The following PRPS2 variants were observed in gnomAD, a reference collection of about 807,000 sequenced individuals.
PRPS2 encodes the protein ribose-phosphate pyrophosphokinase 2.
For missense variants in PRPS2, 104 were observed against 271.5 expected, an observed-to-expected ratio of 0.38 and a Z score of 4.34; for synonymous variants, 111 against 115.3, an observed-to-expected ratio of 0.96 and a Z score of 0.24.
At chrX:12,813,155 A>C (rs907926275) in intron 4 of PRPS2, among the ~76,000 whole-genome samples, 10 of 112,216 alleles carry the variant, frequency 8.9e-5, no homozygotes, top group African/African-American at 1.9e-4. Flanking sequence ...ATTTAAGCGT[A>C]TATCTGCCTA....
At chrX:12,800,741 A>G (rs1693896181) in intron 2 of PRPS2, among the ~76,000 whole-genome samples, 2 of 111,815 alleles carry the variant, frequency 1.8e-5, no homozygotes, top group Admixed American at 9.6e-5. Context: ...CTCATATTTG[A>G]AAAAAACCCT....
intron 4 of PRPS2, among the ~76,000 whole-genome samples, chrX:12,812,271 T>C (rs1014702679): frequency 6.3e-5 from 7 of 111,713 alleles, no homozygotes; most frequent in Admixed American, 1.9e-4. Flanking sequence ...GCCAAAGGGG[T>C]ACAGGAGCGA....
chrX:12,821,777 C>T (rs1368998853), intron 6 of PRPS2, among the ~76,000 whole-genome samples: 2 of 112,209 alleles, frequency 1.8e-5, no homozygotes, highest in Non-Finnish European at 3.8e-5. Flanking sequence ...GAGCTTTGCT[C>T]CTTCCCGTCC....
At chrX:12,818,735 T>C (rs1036049430) in intron 4 of PRPS2, among the ~76,000 whole-genome samples, 2 of 112,357 alleles carry the variant, frequency 1.8e-5, no homozygotes, top group Non-Finnish European at 3.8e-5. Context: ...ACCTGTGGCA[T>C]TGTCTTGAAA....
At chrX:12,794,032 A>G (rs2042531943) in intron 1 of PRPS2, among the ~76,000 whole-genome samples, 2 of 112,570 alleles carry the variant, frequency 1.8e-5, no homozygotes, top group Admixed American at 9.4e-5. Flanking sequence ...CTATACTGTG[A>G]GACAAGGTTA....
intron 4 of PRPS2, 141 bp from the exon 5 acceptor site, chrX:12,819,366 G>C (rs958414548): frequency 1.5e-5 from 10 of 670,910 alleles, no homozygotes; most frequent in Non-Finnish European, 2.2e-5. Flanking sequence ...GCCTGCCCCA[G>C]ACCATGCCTG....
Position 12,820,581 on chromosome X carries a change from C to A in PRPS2, c.705-63C>A. 8 of 1,109,586 alleles carry A rather than the reference C, an allele frequency of 7.2e-6. No homozygotes were observed. The South Asian group carries it at 1.7e-4, about 23-fold the overall frequency. 91.4% of individuals were successfully genotyped at this position (1,109,586 alleles called of 1,213,427 possible). On this transcript the variant is annotated intron_variant, in intron 5 of 6. Transcript: ENST00000380668. ...ACACTTTGTGCTTTTACCATTCATA[C>A]TAGGGGAGAGTATTCCAAGAATATT...
At chrX:12,813,088 A>T (rs1347770328) in intron 4 of PRPS2, among the ~76,000 whole-genome samples, 1 of 112,333 alleles carries the variant, frequency 8.9e-6, no homozygotes, top group East Asian at 2.8e-4. Flanking sequence ...ACAGTACAAA[A>T]GTGTCCCATC....
chrX:12,807,681 A>G (rs1042001122), intron 2 of PRPS2, among the ~76,000 whole-genome samples: 3 of 111,470 alleles, frequency 2.7e-5, no homozygotes, highest in Non-Finnish European at 3.8e-5. Flanking sequence ...AACATGGAAT[A>G]TAGTACGGGG....
At chrX:12,821,639 T>G (rs908093044) in intron 6 of PRPS2, among the ~76,000 whole-genome samples, 13 of 112,101 alleles carry the variant, frequency 1.2e-4, no homozygotes, top group African/African-American at 4.2e-4. Flanking sequence ...AATTTTCAAC[T>G]GATAAGAACA....
chrX:12,816,528 C>T (rs1268687765), intron 4 of PRPS2, among the ~76,000 whole-genome samples: 1 of 111,530 alleles, frequency 9.0e-6, no homozygotes, highest in African/African-American at 3.3e-5. Context: ...GTCTCCAATT[C>T]CTGGGCTCAA....
intron 1 of PRPS2, among the ~76,000 whole-genome samples, chrX:12,797,652 C>G (rs1206494991): frequency 8.9e-6 from 1 of 112,016 alleles, no homozygotes; most frequent in Non-Finnish European, 1.9e-5. Context: ...ATCATTGGAA[C>G]AAATTTGCCT....
chrX:12,805,639 C>T (rs765455748), intron 2 of PRPS2, among the ~76,000 whole-genome samples: 1 of 112,101 alleles, frequency 8.9e-6, no homozygotes, highest in Non-Finnish European at 1.9e-5. Flanking sequence ...GTTTTTCAAC[C>T]GTTTAAAGAC....
At chrX:12,796,852 ATT>A (rs35240522) in intron 1 of PRPS2, among the ~76,000 whole-genome samples, 117 of 34,245 alleles carry the variant, frequency 3.4e-3, no homozygotes, top group African/African-American at 0.013. Flanking sequence ...AGTATTTCAG[ATT>A]TTTTTTTTTT....
In PRPS2 at chrX:12,817,339, GA is replaced by G. The variant is rs1414292477; in HGVS notation, c.531-2167del. ...TTTGAGTGCAAATGTACATTGCTAAGATTTTTTTAAGATGGCATGTGCTTTG... is the reference window on the plus strand; with the variant it reads ...TTTGAGTGCAAATGTACATTGCTAAGTTTTTTTAAGATGGCATGTGCTTTG... On this transcript the variant is annotated intron_variant, in intron 4 of 6. Transcript: ENST00000380668. Among the ~76,000 whole-genome samples, 3 of 109,992 alleles carry G rather than the reference GA, an allele frequency of 2.7e-5. No homozygotes were observed. In the East Asian group the frequency reaches 8.5e-4, roughly 31 times the overall value.
chrX:12,822,085 G>C (rs1482479632), intron 6 of PRPS2, among the ~76,000 whole-genome samples: 1 of 112,469 alleles, frequency 8.9e-6, no homozygotes, highest in African/African-American at 3.2e-5. Context: ...CTGATTAGCA[G>C]TAGTTTAGGA....
intron 2 of PRPS2, among the ~76,000 whole-genome samples, chrX:12,804,754 G>A (rs1046973322): frequency 2.7e-5 from 3 of 111,290 alleles, no homozygotes; most frequent in Non-Finnish European, 5.7e-5. Context: ...GCCATGTGGC[G>A]TTAGATTGTG....
At chrX:12,802,629 G>C (rs1046837320) in intron 2 of PRPS2, among the ~76,000 whole-genome samples, 1 of 112,337 alleles carries the variant, frequency 8.9e-6, no homozygotes, top group Non-Finnish European at 1.9e-5. Context: ...ATGAGCCATC[G>C]CGCCCAGCCG....
chrX:12,802,848 T>C, intron 2 of PRPS2, among the ~76,000 whole-genome samples: 1 of 112,678 alleles, frequency 8.9e-6, no homozygotes, highest in Non-Finnish European at 1.9e-5. Flanking sequence ...GACAATTCCA[T>C]GACTTTCTGA....
Sources: allele counts gnomAD v4.1 joint callset (sites outside exome capture counted in the v4.1 genomes callset), GRCh38; gene constraint gnomAD v4.1.1; transcripts MANE v1.5; gene names NCBI Gene and HGNC (gene_info 2026-07-23, HGNC 2026-07-21).